LRRC28: variants seen among roughly 807,000 people sequenced by gnomAD.
LRRC28 encodes leucine-rich repeat-containing protein 28.
LRRC28 carries 39 observed loss-of-function variants against 45.7 expected under a neutral mutation model. That is an observed-to-expected ratio of 0.85 (90% CI 0.66 to 1.12). The LOEUF (loss-of-function observed/expected upper bound fraction) is 1.12, where lower values mean the gene tolerates loss of function less well. Ranked by LOEUF, LRRC28 falls within the 50% of genes most tolerant of loss-of-function variation. The pLI is 0.00. For synonymous variants in LRRC28, 206 were observed against 178.8 expected (o/e 1.15, Z -1.22); for missense variants, 435 against 438.5 (o/e 0.99, Z 0.07).
chr15:99,314,722 A>G (rs1955534865), intron 5 of LRRC28, among the ~76,000 whole-genome samples: 1 of 152,196 alleles, frequency 6.6e-6, no homozygotes, highest in Non-Finnish European at 1.5e-5. Flanking sequence ...CCCTTCACCT[A>G]ACCTGGGTTT....
rs534603688 is a variant in LRRC28 at position 99,349,195 on chromosome 15, CTT to C, written c.593-3171_593-3170del. 2.0e-5 allele frequency among the ~76,000 whole-genome samples: 3 copies of C among 152,020 alleles called. No homozygotes were observed. In the South Asian group the frequency reaches 6.2e-4, roughly 32 times the overall value. Reference sequence around the variant, plus strand: ...TTGTGAAATCTTTGGGGTTTCATCTCTTTTATTTTTTACATATTTTCAGCTCA... The same window carrying C: ...TTGTGAAATCTTTGGGGTTTCATCTCTTATTTTTTACATATTTTCAGCTCA... On this transcript the variant is annotated intron_variant, in intron 6 of 9. Transcript: ENST00000301981.
chr15:99,381,478 C>A (rs1241757245), intron 9 of LRRC28, among the ~76,000 whole-genome samples: 1 of 152,218 alleles, frequency 6.6e-6, no homozygotes, highest in Non-Finnish European at 1.5e-5. Flanking sequence ...TGGGTTCGAA[C>A]TTCCTCCTTT....
chr15:99,383,642 A>G (rs1597480956), intron 9 of LRRC28, among the ~76,000 whole-genome samples: 2 of 151,960 alleles, frequency 1.3e-5, no homozygotes, highest in Admixed American at 6.6e-5. Flanking sequence ...TTTCTCTCTC[A>G]CCTCTGATAA....
chr15:99,261,936 C>G (rs1275837786), intron 2 of LRRC28, among the ~76,000 whole-genome samples: 2 of 152,108 alleles, frequency 1.3e-5, no homozygotes, highest in Non-Finnish European at 2.9e-5. Flanking sequence ...GGATTACAGG[C>G]GTGAGCCACT....
chr15:99,332,527 A>G (rs1180598506), intron 5 of LRRC28, among the ~76,000 whole-genome samples: 1 of 152,218 alleles, frequency 6.6e-6, no homozygotes, highest in Non-Finnish European at 1.5e-5. Flanking sequence ...AAGATCAGCA[A>G]ACCTTTTCTG....
In LRRC28 at chr15:99,370,211, T is replaced by TA. The variant is rs571685046; in HGVS notation, c.1031+6947dup. Among the ~76,000 whole-genome samples, 47 of 152,334 alleles carry TA rather than the reference T, an allele frequency of 3.1e-4. No homozygotes were observed. The East Asian group carries it at 8.7e-3, about 28-fold the overall frequency. On this transcript the variant is annotated intron_variant, in intron 9 of 9. Coordinates refer to ENST00000301981, the MANE Select transcript of LRRC28 (RefSeq NM_144598.5). ...TGTTTTAGCCACTGTGCTGTTCAAT[T>TA]AGCTACTAAGTGGACCAGCATATTA... is the stretch of plus-strand genomic sequence containing the variant.
Position 99,255,987 on chromosome 15 carries a change from T to C in LRRC28, c.30T>C (p.Ser10=). The C allele has an allele frequency of 6.2e-7, 1 of 1,612,830 alleles. No homozygotes were observed. Among genetic ancestry groups the C allele is most frequent in the Non-Finnish European group, 8.5e-7 (1 of 1,179,966 alleles). ...CGTCCGAACTTTGTAAGACGATCTC[T>C]GTGGCAAGGCTAGAAAAGCACAAGA... MASELCKTI[S]VARLEKHKNL... Residue 10 remains serine, a synonymous_variant, in exon 2 of 10, where the codon TCT becomes TCC. Transcript: ENST00000301981.
intron 3 of LRRC28, among the ~76,000 whole-genome samples, chr15:99,281,538 T>C (rs1468571401): frequency 6.6e-6 from 1 of 152,250 alleles, no homozygotes; most frequent in Non-Finnish European, 1.5e-5. Context: ...TAATGTCCTG[T>C]TTGCTAATTC....
intron 2 of LRRC28, chr15:99,259,565 C>G: frequency 7.1e-7 from 1 of 1,417,048 alleles, no homozygotes; most frequent in Non-Finnish European, 1.0e-6. Context: ...GGTGGCCAGC[C>G]AGTACGGGTG....
chr15:99,271,874 C>T (rs1567612778), intron 2 of LRRC28, among the ~76,000 whole-genome samples: 1 of 152,238 alleles, frequency 6.6e-6, no homozygotes, highest in Non-Finnish European at 1.5e-5. Flanking sequence ...GTTGAGATTA[C>T]AGGCTTGAGC....
At chr15:99,322,096 A>G (rs1597342269) in intron 5 of LRRC28, among the ~76,000 whole-genome samples, 2 of 152,268 alleles carry the variant, frequency 1.3e-5, no homozygotes, top group South Asian at 4.2e-4. Flanking sequence ...AAGGGAAGAA[A>G]TAACTTGACA....
In LRRC28 at chr15:99,264,466, A is replaced by G. The variant is rs186546717; in HGVS notation, c.168+8341A>G. On this transcript the variant is annotated intron_variant, in intron 2 of 9. Coordinates refer to ENST00000301981, the MANE Select transcript of LRRC28 (RefSeq NM_144598.5). ...GCTGTTTGAAGAGGAACCTAGCTGT[A>G]TCTAACAGTTCCACAGAACCTTAGG... Among the ~76,000 whole-genome samples the G allele has an allele frequency of 3.3e-5, 5 of 152,354 alleles. No individual in the cohort carries two copies. The East Asian group carries it at 7.7e-4, about 24-fold the overall frequency.
At chr15:99,376,905 T>C (rs1957655256) in intron 9 of LRRC28, among the ~76,000 whole-genome samples, 3 of 152,340 alleles carry the variant, frequency 2.0e-5, no homozygotes, top group Non-Finnish European at 2.9e-5. Flanking sequence ...GAGTATTCCA[T>C]GGTGTATATG....
chr15:99,279,115 G>C (rs2089709), intron 3 of LRRC28, among the ~76,000 whole-genome samples: 97,386 of 152,124 alleles, frequency 0.64, 31,222 homozygotes, highest in Middle Eastern at 0.75. Context: ...ATGGATACAC[G>C]TTTTTCTGGA....
intron 8 of LRRC28, among the ~76,000 whole-genome samples, chr15:99,362,560 C>T (rs1957232705): frequency 6.6e-6 from 1 of 152,178 alleles, no homozygotes; most frequent in Admixed American, 6.5e-5. Flanking sequence ...AAGGAAGCTC[C>T]CTGCTTTTAT....
intron 2 of LRRC28, chr15:99,258,695 T>C: frequency 1.4e-6 from 1 of 719,418 alleles, no homozygotes; most frequent in East Asian, 2.8e-5. Flanking sequence ...TTTCTGCAAA[T>C]CATTTTCAAA....
At chr15:99,301,190 A>G (rs1480128972) in intron 5 of LRRC28, among the ~76,000 whole-genome samples, 1 of 152,236 alleles carries the variant, frequency 6.6e-6, no homozygotes, top group Non-Finnish European at 1.5e-5. Context: ...TTATTTAGCA[A>G]TCTAAGAGTC....
Position 99,389,943 on chromosome 15 carries a change from C to G in LRRC28, c.*3841C>G, listed in dbSNP as rs1426015460. On this transcript the variant is annotated 3_prime_UTR_variant, in exon 10 of 10. Coordinates refer to ENST00000301981, the MANE Select transcript of LRRC28 (RefSeq NM_144598.5). ...ACCAGCCTGGCCAGCATGGTGAAAC[C>G]CCATCTCTACTAAAAATACAAAAAA... 2 of 152,146 alleles carry G rather than the reference C, an allele frequency of 1.3e-5. No individual in the cohort carries two copies. Among genetic ancestry groups the G allele is most frequent in the Non-Finnish European group, 2.9e-5 (2 of 68,104 alleles). The allele number at this position is 152,146 out of a possible 1,614,324, so 9.4% of individuals were successfully genotyped here. A position where few individuals can be genotyped will look rare whatever the true frequency, so the allele number is the denominator to read the frequency against.
At chr15:99,265,482 C>T (rs1303547028) in intron 2 of LRRC28, among the ~76,000 whole-genome samples, 1 of 152,098 alleles carries the variant, frequency 6.6e-6, no homozygotes, top group African/African-American at 2.4e-5. Context: ...AGACTGTGGT[C>T]ATGGAGAAGT....
Sources: allele counts gnomAD v4.1 joint callset (sites outside exome capture counted in the v4.1 genomes callset), GRCh38; gene constraint gnomAD v4.1.1; transcripts MANE v1.5; gene names NCBI Gene and HGNC (gene_info 2026-07-23, HGNC 2026-07-21).